EYS: variants seen among roughly 807,000 people sequenced by gnomAD.
EYS encodes EGF-like photoreceptor maintenance factor, also known as protein eyes shut homolog.
Under a neutral mutation model 282.1 loss-of-function variants are expected in EYS, and 250 were observed. The ratio of observed to expected loss-of-function variants is 0.89; its 90% CI spans 0.80 to 0.98. EYS has a LOEUF of 0.98. Among genes scored for constraint, EYS ranks in the 50% least tolerant of loss-of-function variants. The probability of loss-of-function intolerance (pLI) is 0.00; values close to 1 mark genes in which losing one functional copy is unlikely to be tolerated. For missense variants in EYS, 4,016 were observed against 3,709.0 expected, an observed-to-expected ratio of 1.08 and a Z score of -2.15; for synonymous variants, 1,355 against 1,282.9, an observed-to-expected ratio of 1.06 and a Z score of -1.20.
chr6:64,733,730 C>T (rs80099456), intron 22 of EYS: 34 of 161,554 alleles, frequency 2.1e-4, no homozygotes, highest in Non-Finnish European at 4.1e-4. Context: ...AGCGCTGCAG[C>T]AGGTCTCCTG....
At chr6:64,558,114 T>G (rs1394464526) in intron 26 of EYS, among the ~76,000 whole-genome samples, 1 of 152,108 alleles carries the variant, frequency 6.6e-6, no homozygotes, top group Non-Finnish European at 1.5e-5. Flanking sequence ...ATTTAAGAGA[T>G]GCAACCCTGA....
At chr6:64,721,468 G>C (rs945897646) in intron 22 of EYS, among the ~76,000 whole-genome samples, 3 of 152,100 alleles carry the variant, frequency 2.0e-5, no homozygotes, top group Admixed American at 1.3e-4. Flanking sequence ...CAGGAAATGA[G>C]ATTTATTCTT....
intron 22 of EYS, among the ~76,000 whole-genome samples, chr6:64,629,746 C>T (rs542953195): frequency 6.6e-6 from 1 of 152,294 alleles, no homozygotes; most frequent in South Asian, 2.1e-4. Context: ...AACCTTGTTA[C>T]ACTAGCTTAT....
intron 14 of EYS, among the ~76,000 whole-genome samples, chr6:64,948,673 TA>T (rs1156656015): frequency 6.7e-6 from 1 of 149,812 alleles, no homozygotes; most frequent in Admixed American, 6.7e-5. Context: ...ATACTATTTT[TA>T]AAAGCACATT....
At chr6:64,727,667 A>G (rs908012560) in intron 22 of EYS, among the ~76,000 whole-genome samples, 12 of 152,228 alleles carry the variant, frequency 7.9e-5, no homozygotes, top group African/African-American at 2.9e-4. Context: ...TTTTATATTT[A>G]CAAAGAAACC....
chr6:65,288,979 C>T (rs1431096495), intron 12 of EYS, among the ~76,000 whole-genome samples: 15 of 150,432 alleles, frequency 1.0e-4, no homozygotes, highest in Admixed American at 2.7e-4. Context: ...ACAAAATAAT[C>T]AATTGAAAAG....
At chr6:64,343,202 G>A (rs1030234703) in intron 29 of EYS, among the ~76,000 whole-genome samples, 12 of 151,768 alleles carry the variant, frequency 7.9e-5, no homozygotes, top group Non-Finnish European at 1.2e-4. Flanking sequence ...TGCACCAAGC[G>A]GACCTAATAG....
intron 19 of EYS, among the ~76,000 whole-genome samples, chr6:64,834,374 A>G (rs2150030217): frequency 6.6e-6 from 1 of 151,992 alleles, no homozygotes; most frequent in South Asian, 2.1e-4. Flanking sequence ...TACTATTTTT[A>G]ATACAGAGCT....
chr6:64,223,124 C>A (rs752994114), intron 31 of EYS, among the ~76,000 whole-genome samples: 8 of 151,920 alleles, frequency 5.3e-5, no homozygotes, highest in Non-Finnish European at 7.4e-5. Flanking sequence ...ACTCCCAGTG[C>A]ACCCCGTCCT....
At chr6:63,829,113 C>A (rs952895018) in intron 36 of EYS, among the ~76,000 whole-genome samples, 39 of 152,160 alleles carry the variant, frequency 2.6e-4, no homozygotes, top group African/African-American at 9.4e-4. Flanking sequence ...GGCGGAGGTT[C>A]CAAGATGGCC....
chr6:65,136,086 A>T (rs576906406), intron 12 of EYS, among the ~76,000 whole-genome samples: 9 of 152,062 alleles, frequency 5.9e-5, no homozygotes, highest in African/African-American at 2.2e-4. Context: ...AAAGACAAAT[A>T]AAAAAATTCC....
chr6:64,520,169 G>A (rs1777686753), intron 26 of EYS, among the ~76,000 whole-genome samples: 1 of 151,714 alleles, frequency 6.6e-6, no homozygotes, highest in Non-Finnish European at 1.5e-5. Flanking sequence ...ACTTCTGTGT[G>A]GAGGTTGTCA....
At chr6:63,967,194 T>A (rs759820366) in intron 35 of EYS, among the ~76,000 whole-genome samples, 1 of 152,186 alleles carries the variant, frequency 6.6e-6, no homozygotes, top group African/African-American at 2.4e-5. Context: ...ATAGACATGC[T>A]ACACTAAGGG....
chr6:64,258,285 A>G (rs554257395), intron 30 of EYS, among the ~76,000 whole-genome samples: 7 of 152,042 alleles, frequency 4.6e-5, no homozygotes, highest in South Asian at 4.1e-4. Context: ...AGACACCCCA[A>G]TGCAAATAAA....
chr6:65,564,489 T>C (rs144574204), intron 2 of EYS, among the ~76,000 whole-genome samples: 5,504 of 152,202 alleles, frequency 0.036, 263 homozygotes, highest in African/African-American at 0.11. Context: ...AGTCATCTGA[T>C]CTTTGACAAA....
At chr6:65,569,326 A>T (rs1305716862) in intron 2 of EYS, among the ~76,000 whole-genome samples, 1 of 151,674 alleles carries the variant, frequency 6.6e-6, no homozygotes, top group African/African-American at 2.4e-5. Flanking sequence ...TCTTTTTCGG[A>T]CTCAGCCCGC....
intron 41 of EYS, among the ~76,000 whole-genome samples, chr6:63,743,719 A>C (rs1769141098): frequency 6.6e-6 from 1 of 152,226 alleles, no homozygotes; most frequent in Non-Finnish European, 1.5e-5. Context: ...AGATACTAGA[A>C]GAGTCATTCT....
chr6:64,420,893 A>G (rs1452193425), intron 28 of EYS, among the ~76,000 whole-genome samples: 1 of 152,122 alleles, frequency 6.6e-6, no homozygotes, highest in East Asian at 1.9e-4. Flanking sequence ...AAGCTATTCA[A>G]CAAGTCTCTA....
intron 40 of EYS, among the ~76,000 whole-genome samples, chr6:63,772,443 T>C (rs1196675097): frequency 6.6e-6 from 1 of 152,172 alleles, no homozygotes. Context: ...TTGGTTTATA[T>C]ATATCTATGT....
Sources: allele counts gnomAD v4.1 joint callset (sites outside exome capture counted in the v4.1 genomes callset), GRCh38; gene constraint gnomAD v4.1.1; transcripts MANE v1.5; gene names NCBI Gene and HGNC (gene_info 2026-07-23, HGNC 2026-07-21).